The following XCR1 variants were observed in gnomAD, a reference collection of about 807,000 sequenced individuals.
The protein encoded by XCR1 is X-C motif chemokine receptor 1, also known as chemokine XC receptor 1.
For missense variants in XCR1, 356 were observed against 424.2 expected (o/e 0.84, Z 1.41); for synonymous variants, 187 against 188.5 (o/e 0.99, Z 0.06).
chr3:46,067,032 A>G (rs1698090168), intron 3 of XCR1, among the ~76,000 whole-genome samples: 1 of 152,242 alleles, frequency 6.6e-6, no homozygotes, highest in Non-Finnish European at 1.5e-5. Flanking sequence ...GGACAGGAGC[A>G]TAGCATATTC....
chr3:46,085,652 A>G (rs1367656256), intron 1 of XCR1, among the ~76,000 whole-genome samples: 1 of 152,138 alleles, frequency 6.6e-6, no homozygotes, highest in Non-Finnish European at 1.5e-5. Flanking sequence ...CTGCCTGTGC[A>G]CTGTTCCCCA....
chr3:46,021,459 G>A lies in XCR1; in HGVS notation c.489C>T (p.Leu163=), dbSNP rs1341621948. The change falls in exon 2 of 2, where the codon CTC becomes CTT. Residue 163 remains leucine, a synonymous_variant. Transcript: ENST00000309285. This position sits in a 1 kb window ranked among gnomAD's most constrained non-coding sequence, Gnocchi z 4.7. ...AAAGCACCTTGTGGAAGATGGTGTC[G>A]AGGATGGAGGACAGGATGCTGGCTA... ...VWVASILSSI[L]DTIFHKVLSS... 5.6e-6 allele frequency: 9 copies of A among 1,614,036 alleles called. No individual in the cohort carries two copies. Among genetic ancestry groups the A allele is most frequent in the East Asian group, 4.5e-5 (2 of 44,870 alleles).
At chr3:46,067,659 T>C (rs1218373458) in intron 3 of XCR1, among the ~76,000 whole-genome samples, 10 of 152,170 alleles carry the variant, frequency 6.6e-5, no homozygotes. Context: ...AGGGAACACA[T>C]GATCACTTTC....
chr3:46,020,750 G>A lies in XCR1; in HGVS notation c.*196C>T, dbSNP rs1575404635. 5.0e-5 allele frequency: 36 copies of A among 714,790 alleles called. No homozygotes were observed. The South Asian group carries it at 7.3e-4, about 14-fold the overall frequency. The allele number at this position is 714,790 out of a possible 1,614,324, so 44.3% of individuals were successfully genotyped here. A position where few individuals can be genotyped will look rare whatever the true frequency, so the allele number is the denominator to read the frequency against. ...TTGGATGGCAGTATAAAATTCCCAGGTAGGAAGCCACTTTCCCGCAGATGA... is the reference window on the plus strand; with the variant it reads ...TTGGATGGCAGTATAAAATTCCCAGATAGGAAGCCACTTTCCCGCAGATGA... On this transcript the variant is annotated 3_prime_UTR_variant, in exon 2 of 2. Transcript: ENST00000309285.
At chr3:46,061,451 C>T (rs753900227) in intron 4 of XCR1, among the ~76,000 whole-genome samples, 5 of 152,314 alleles carry the variant, frequency 3.3e-5, no homozygotes, top group Non-Finnish European at 5.9e-5. Flanking sequence ...GAGAAAGAAG[C>T]TAACTGACTC....
chr3:46,051,074 C>G (rs1187655317), intron 5 of XCR1, among the ~76,000 whole-genome samples: 10 of 152,168 alleles, frequency 6.6e-5, no homozygotes, highest in African/African-American at 1.7e-4. Flanking sequence ...CTAAGCCATT[C>G]TAATGGTAAG....
intron 1 of XCR1, chr3:46,023,638 CT>C: frequency 7.3e-7 from 1 of 1,365,962 alleles, no homozygotes; most frequent in Non-Finnish European, 1.0e-6. Context: ...CCAGAGCCCC[CT>C]TTCTCAGAAG....
intron 5 of XCR1, among the ~76,000 whole-genome samples, chr3:46,052,039 C>CAAACAA (rs1553633670): frequency 1.5e-3 from 150 of 98,184 alleles, no homozygotes; most frequent in African/African-American, 2.4e-3. Context: ...AAAACAAAAA[C>CAAACAA]AAAAAAAAAA....
intron 3 of XCR1, among the ~76,000 whole-genome samples, chr3:46,070,162 T>C (rs1297415692): frequency 1.3e-5 from 2 of 152,194 alleles, no homozygotes; most frequent in Non-Finnish European, 1.5e-5. Context: ...GATATGATTT[T>C]GATCTTTAAA....
chr3:46,071,439 G>C (rs905344627), intron 3 of XCR1, among the ~76,000 whole-genome samples: 6 of 151,890 alleles, frequency 4.0e-5, no homozygotes, highest in Admixed American at 3.9e-4. Flanking sequence ...AAATTGAGGA[G>C]GGAATTCACC....
intron 3 of XCR1, among the ~76,000 whole-genome samples, chr3:46,073,686 G>A (rs1193808545): frequency 6.6e-6 from 1 of 151,644 alleles, no homozygotes. Flanking sequence ...TCTGACAGGG[G>A]ACTAATATCC....
At chr3:46,050,098 CA>C (rs1377644631) in intron 5 of XCR1, among the ~76,000 whole-genome samples, 1 of 152,044 alleles carries the variant, frequency 6.6e-6, no homozygotes, top group Non-Finnish European at 1.5e-5. Context: ...TGAACTGGCC[CA>C]AAAGTCCTCT....
At chr3:46,065,545 C>G (rs4490402) in intron 4 of XCR1, among the ~76,000 whole-genome samples, 28,060 of 152,150 alleles carry the variant, frequency 0.18, 2,784 homozygotes, top group Middle Eastern at 0.32. Context: ...TAAAATTCAC[C>G]GACTCCTGGG....
chr3:46,076,000 A>G (rs1286834719), intron 2 of XCR1, among the ~76,000 whole-genome samples: 1 of 152,176 alleles, frequency 6.6e-6, no homozygotes, highest in East Asian at 1.9e-4. Context: ...AGAGTATAGC[A>G]GCCTCTTAAA....
chr3:46,028,784 G>T (rs905336048), upstream of XCR1, among the ~76,000 whole-genome samples: 1 of 151,954 alleles, frequency 6.6e-6, no homozygotes, highest in African/African-American at 2.4e-5. Flanking sequence ...TAGAGACAGG[G>T]TCTCACTATA....
intron 4 of XCR1, among the ~76,000 whole-genome samples, chr3:46,057,874 ATCTG>A (rs202199910): frequency 1.6e-4 from 23 of 141,308 alleles, no homozygotes; most frequent in Middle Eastern, 3.7e-3. Context: ...TTATCATCTT[ATCTG>A]TCTGTCTATC....
intron 3 of XCR1, among the ~76,000 whole-genome samples, chr3:46,070,493 G>C (rs537666218): frequency 6.6e-6 from 1 of 151,758 alleles, no homozygotes; most frequent in South Asian, 2.1e-4. Context: ...ATTTAGGATT[G>C]TTATATTCTT....
rs756841161 is a variant in XCR1, at chr3:46,021,746, T to C, written c.202A>G (p.Ile68Val). 1.4e-5 allele frequency: 22 copies of C among 1,613,776 alleles called. No individual in the cohort carries two copies. In the South Asian group the frequency reaches 1.6e-4, roughly 12 times the overall value. The change falls in exon 2 of 2, where the codon ATC becomes GTC. Residue 68 changes from isoleucine to valine, a missense_variant. Coordinates refer to ENST00000309285, the MANE Select transcript of XCR1 (RefSeq NM_001024644.2). This position sits in a 1 kb window ranked among gnomAD's most constrained non-coding sequence, Gnocchi z 4.7. ...GAGAGGCACAGGTTGAGGATGAAGA[T>C]GTTGGTGAGGGACTCCAGGCTCTCA... ...KYESLESLTN[I>V]FILNLCLSDL...
At chr3:46,037,704 A>T (rs903118603) in intron 5 of XCR1, among the ~76,000 whole-genome samples, 1 of 152,198 alleles carries the variant, frequency 6.6e-6, no homozygotes, top group African/African-American at 2.4e-5. Context: ...ACTGATTAAC[A>T]TTGCTCATAG....
Sources: gnomAD v4.1 joint callset for allele counts (sites outside exome capture counted in the v4.1 genomes callset) on GRCh38, gnomAD v4.1.1 for gene constraint, Gnocchi (gnomAD v3.1) non-coding constraint, MANE v1.5 for transcripts, NCBI Gene and HGNC (gene_info 2026-07-23, HGNC 2026-07-21) for gene names.